Variants in SNX18 observed in about 807,000 individuals in gnomAD.
SNX18 encodes the protein sorting nexin 18, also known as sorting nexin-18.
A neutral mutation model predicts 48.7 loss-of-function variants in SNX18; 35 were observed. That is an observed-to-expected ratio of 0.72 (90% CI 0.55 to 0.95). SNX18 has a LOEUF of 0.95. SNX18 is among the 40% of genes least tolerant of loss of function. SNX18 has a pLI of 0.00. For synonymous variants in SNX18, 492 were observed against 384.7 expected, an observed-to-expected ratio of 1.28 and a Z score of -3.26; for missense variants, 824 against 871.0, an observed-to-expected ratio of 0.95 and a Z score of 0.68.
chr5:54,590,617 C>G, the SNX18 span, among the ~76,000 whole-genome samples: 1 of 152,270 alleles, frequency 6.6e-6, no homozygotes, highest in South Asian at 2.1e-4. Flanking sequence ...ACCCCAACCC[C>G]AATCTTTGGT....
chr5:54,530,470 C>T (rs113304527), intron 1 of SNX18, among the ~76,000 whole-genome samples: 36 of 152,172 alleles, frequency 2.4e-4, no homozygotes, highest in African/African-American at 7.7e-4. Context: ...GTATTTCTTA[C>T]GCTACAATAT....
chr5:54,624,142 G>A, the SNX18 span, among the ~76,000 whole-genome samples: 1 of 152,134 alleles, frequency 6.6e-6, no homozygotes, highest in Non-Finnish European at 1.5e-5. Flanking sequence ...AGATCAAACT[G>A]CCTGGAAAAA....
chr5:54,528,259 G>C (rs112157030), intron 1 of SNX18, among the ~76,000 whole-genome samples: 1 of 136,158 alleles, frequency 7.3e-6, no homozygotes, highest in Admixed American at 7.3e-5. Flanking sequence ...CATTCACCTT[G>C]TTGCTTGACT....
At chr5:54,565,800 A>G in the SNX18 span, among the ~76,000 whole-genome samples, 1 of 152,138 alleles carries the variant, frequency 6.6e-6, no homozygotes, top group Non-Finnish European at 1.5e-5. Flanking sequence ...CGAGGGGTAA[A>G]TTTGTACTTT....
the SNX18 span, among the ~76,000 whole-genome samples, chr5:54,561,504 A>ATTTTTTT: frequency 7.5e-6 from 1 of 133,008 alleles, no homozygotes. Flanking sequence ...CGCCCAGCTA[A>ATTTTTTT]TTTTTTTTTT....
the SNX18 span, among the ~76,000 whole-genome samples, chr5:54,632,515 G>A: frequency 2.6e-4 from 39 of 152,258 alleles, no homozygotes; most frequent in African/African-American, 9.4e-4. Context: ...CAGCACACAC[G>A]CAGGCTGAGT....
At chr5:54,529,811 G>A (rs1416084492) in intron 1 of SNX18, among the ~76,000 whole-genome samples, 1 of 152,104 alleles carries the variant, frequency 6.6e-6, no homozygotes, top group African/African-American at 2.4e-5. Flanking sequence ...TGTGTAACAT[G>A]GAGTAACTAT....
the SNX18 span, among the ~76,000 whole-genome samples, chr5:54,559,821 G>A: frequency 3.3e-5 from 5 of 152,084 alleles, no homozygotes; most frequent in African/African-American, 1.2e-4. Context: ...ACTGACAAAG[G>A]TCTAATATCC....
the SNX18 span, among the ~76,000 whole-genome samples, chr5:54,605,432 G>A: frequency 6.6e-6 from 1 of 152,106 alleles, no homozygotes; most frequent in Admixed American, 6.5e-5. Context: ...TCACAGTAGT[G>A]TGTTACGTAC....
At chr5:54,520,952 T>C (rs2564990) in intron 1 of SNX18, 88,939 of 166,948 alleles carry the variant, frequency 0.53, 24,053 homozygotes, top group Non-Finnish European at 0.55. Context: ...ATTGAATTCG[T>C]TTTTTGTGCA....
At chr5:54,624,396 T>C in the SNX18 span, among the ~76,000 whole-genome samples, 1 of 152,216 alleles carries the variant, frequency 6.6e-6, no homozygotes, top group Admixed American at 6.5e-5. Context: ...CTCTTTCTAG[T>C]GATCAGATAT....
downstream of SNX18, among the ~76,000 whole-genome samples, chr5:54,548,818 T>C (rs1007831786): frequency 2.4e-4 from 37 of 152,198 alleles, no homozygotes; most frequent in African/African-American, 8.9e-4. Context: ...CATCCCTCAG[T>C]ATCTGCAGGG....
the SNX18 span, among the ~76,000 whole-genome samples, chr5:54,567,188 C>CATGGATGTGTGT: frequency 6.6e-6 from 1 of 151,718 alleles, no homozygotes. Flanking sequence ...AGAGCAGAGA[C>CATGGATGTGTGT]ATGGATGTGT....
the SNX18 span, among the ~76,000 whole-genome samples, chr5:54,572,598 G>T: frequency 6.6e-6 from 1 of 151,476 alleles, no homozygotes; most frequent in East Asian, 1.9e-4. Context: ...AGCAAGAAAT[G>T]GCCTCATATT....
chr5:54,643,758 C>G, the SNX18 span: 1 of 152,208 alleles, frequency 6.6e-6, no homozygotes, highest in African/African-American at 2.4e-5. Flanking sequence ...GGGGGTGCAT[C>G]TCAGAGGGCA....
the SNX18 span, among the ~76,000 whole-genome samples, chr5:54,602,727 G>A: frequency 6.6e-6 from 1 of 152,328 alleles, no homozygotes; most frequent in African/African-American, 2.4e-5. Context: ...CAAGTACACA[G>A]CTTGATCTCT....
chr5:54,575,362 C>T, the SNX18 span, among the ~76,000 whole-genome samples: 49 of 149,658 alleles, frequency 3.3e-4, no homozygotes, highest in African/African-American at 1.2e-3. Flanking sequence ...ATGTGCCTCC[C>T]CACTGCTTTT....
At chr5:54,583,856 C>T in the SNX18 span, among the ~76,000 whole-genome samples, 1 of 152,130 alleles carries the variant, frequency 6.6e-6, no homozygotes, top group Non-Finnish European at 1.5e-5. Flanking sequence ...AGTCCTAGAT[C>T]TTCTCACCCT....
the SNX18 span, among the ~76,000 whole-genome samples, chr5:54,638,964 A>C: frequency 4.4e-3 from 668 of 152,282 alleles, 4 homozygotes; most frequent in African/African-American, 0.016. Context: ...CTCAGACATA[A>C]GGTCTCTTTT....
Sources: gnomAD v4.1 joint callset for allele counts (sites outside exome capture counted in the v4.1 genomes callset) on GRCh38, gnomAD v4.1.1 for gene constraint, MANE v1.5 for transcripts, NCBI Gene and HGNC (gene_info 2026-07-23, HGNC 2026-07-21) for gene names.